ARHGEF18: variants seen among roughly 807,000 people sequenced by gnomAD.
The protein encoded by ARHGEF18 is Rho/Rac guanine nucleotide exchange factor 18.
Under a neutral mutation model 155.7 loss-of-function variants are expected in ARHGEF18, and 93 were observed. That is an observed-to-expected ratio of 0.60 (90% confidence interval 0.50 to 0.71). ARHGEF18 has a LOEUF of 0.71. Among genes scored for constraint, ARHGEF18 ranks in the 30% least tolerant of loss-of-function variants. The pLI is 0.00. For synonymous variants in ARHGEF18, 742 were observed against 753.1 expected, an observed-to-expected ratio of 0.99 and a Z score of 0.24; for missense variants, 1,593 against 1,816.1, an observed-to-expected ratio of 0.88 and a Z score of 2.23.
In ARHGEF18 at chr19:7,463,170, A is replaced by C. The variant is rs1256872996; in HGVS notation, c.2636-648A>C. 6.6e-6 allele frequency among the ~76,000 whole-genome samples: 1 copy of C among 152,154 alleles called. No individual in the cohort carries two copies. The highest frequency in any genetic ancestry group is 1.5e-5 in the Non-Finnish European group (1 of 68,012). On this transcript the variant is annotated intron_variant, in intron 21 of 28. Transcript: ENST00000668164. The surrounding 1 kb of genome is among the most constrained non-coding windows in gnomAD (Gnocchi z 5.2). ...TTTCAACAGTGAGGGAAGCCGACTC[A>C]GCCCCTGCCTTCCAGAGCCTTTCCG...
intron 5 of ARHGEF18, 91 bp from the exon 6 acceptor site, chr19:7,378,303 C>A: frequency 1.0e-6 from 1 of 989,586 alleles, no homozygotes; most frequent in Non-Finnish European, 1.3e-6. Flanking sequence ...TCTGCAGGGG[C>A]CCAGGGTGGC....
rs140973297 is a variant in ARHGEF18 at position 7,453,213 on chromosome 19, C to G, written c.1856-254C>G. ...CTCCGTCCACCCTACCCTCCCCCCC[C>G]CAAAAAAAACCTAAACTCTGACGTG... On this transcript the variant is annotated intron_variant, in intron 16 of 28. Coordinates refer to ENST00000668164, the MANE Select transcript of ARHGEF18 (RefSeq NM_001367823.1). Among the ~76,000 whole-genome samples the G allele has an allele frequency of 3.2e-3, 487 of 151,868 alleles. 3 individuals carry two copies. The highest frequency in any genetic ancestry group is 9.8e-3 in the African/African-American group (407 of 41,392).
In ARHGEF18 at chr19:7,463,549, G is replaced by A. The variant is rs951207865; in HGVS notation, c.2636-269G>A. Among the ~76,000 whole-genome samples the A allele has an allele frequency of 2.0e-5, 3 of 152,204 alleles. No homozygotes were observed. Among genetic ancestry groups the A allele is most frequent in the Admixed American group, 2.0e-4 (3 of 15,288 alleles). ...CCAGGGCGGCCTGGTGGAAGGAGCT[G>A]CAGGAGCCTGTACCCGCCCTCCCCA... On this transcript the variant is annotated intron_variant, in intron 21 of 28. Coordinates refer to ENST00000668164, the MANE Select transcript of ARHGEF18 (RefSeq NM_001367823.1). This position sits in a 1 kb window ranked among gnomAD's most constrained non-coding sequence, Gnocchi z 5.2.
At chr19:7,375,163 T>A (rs1470540053) in intron 3 of ARHGEF18, among the ~76,000 whole-genome samples, 1 of 150,504 alleles carries the variant, frequency 6.6e-6, no homozygotes, top group African/African-American at 2.4e-5. Flanking sequence ...TCCCAGCTAT[T>A]TGGGAGGCTG....
chr19:7,443,385 G>C (rs1034176357), intron 13 of ARHGEF18, among the ~76,000 whole-genome samples: 1 of 152,024 alleles, frequency 6.6e-6, no homozygotes, highest in African/African-American at 2.4e-5. Context: ...TTTTTTGGTA[G>C]AGACAGGGTT....
At chr19:7,476,232 G>A (rs1463391744), downstream of ARHGEF18, among the ~76,000 whole-genome samples, 1 of 152,212 alleles carries the variant, frequency 6.6e-6, no homozygotes, top group Non-Finnish European at 1.5e-5. Flanking sequence ...GATCCCTTGA[G>A]CCCAGGAGTT....
At chr19:7,416,955 T>G (rs528478061) in intron 10 of ARHGEF18, among the ~76,000 whole-genome samples, 1 of 145,288 alleles carries the variant, frequency 6.9e-6, no homozygotes, top group African/African-American at 2.6e-5. Context: ...TGTTGCCCAT[T>G]CTGGAGTGCA....
At chr19:7,464,835 C>A in intron 23 of ARHGEF18, 145 bp downstream of exon 23, 1 of 1,202,396 alleles carries the variant, frequency 8.3e-7, no homozygotes, top group Non-Finnish European at 1.1e-6. Flanking sequence ...AGTATCTCAG[C>A]CCAGATTAAT....
At chr19:7,353,312 G>T (rs1319990341) in intron 1 of ARHGEF18, among the ~76,000 whole-genome samples, 1 of 151,822 alleles carries the variant, frequency 6.6e-6, no homozygotes, top group Non-Finnish European at 1.5e-5. Flanking sequence ...ATTCCAGCTG[G>T]GTGCAGTGGC....
At chr19:7,479,020 G>A in the ARHGEF18 span, among the ~76,000 whole-genome samples, 2 of 152,244 alleles carry the variant, frequency 1.3e-5, no homozygotes, top group Non-Finnish European at 2.9e-5. Context: ...TCGGCCGTGG[G>A]GTGTGCCGGG....
intron 10 of ARHGEF18, among the ~76,000 whole-genome samples, chr19:7,439,462 A>C (rs1400327611): frequency 6.6e-6 from 1 of 151,928 alleles, no homozygotes; most frequent in Non-Finnish European, 1.5e-5. Flanking sequence ...AAATAATAAT[A>C]ATTAATTTAA....
chr19:7,413,151 G>T (rs974169360), intron 10 of ARHGEF18, among the ~76,000 whole-genome samples: 1 of 152,126 alleles, frequency 6.6e-6, no homozygotes, highest in Non-Finnish European at 1.5e-5. Flanking sequence ...ATAGTTATGG[G>T]CTGGGTATGG....
At chr19:7,475,237 A>G (rs1170038721), downstream of ARHGEF18, among the ~76,000 whole-genome samples, 1 of 152,100 alleles carries the variant, frequency 6.6e-6, no homozygotes, top group Non-Finnish European at 1.5e-5. Context: ...CTCAAAAAAG[A>G]GGGCCCGTAG....
chr19:7,429,747 A>G (rs1030835373), intron 10 of ARHGEF18, among the ~76,000 whole-genome samples: 5 of 152,286 alleles, frequency 3.3e-5, no homozygotes, highest in East Asian at 1.9e-4. Context: ...GCCCACACCC[A>G]TAAGAGGAGG....
chr19:7,456,640 C>T (rs1975845253), intron 18 of ARHGEF18, among the ~76,000 whole-genome samples: 1 of 152,194 alleles, frequency 6.6e-6, no homozygotes, highest in African/African-American at 2.4e-5. Context: ...TCACCTGAAC[C>T]CAGGAGGTGA....
chr19:7,360,642 C>T (rs773356815), intron 1 of ARHGEF18, among the ~76,000 whole-genome samples: 4 of 152,192 alleles, frequency 2.6e-5, no homozygotes, highest in Non-Finnish European at 5.9e-5. Context: ...TCCACAAGGA[C>T]CCTGTCCAGT....
chr19:7,427,011 C>T (rs953377159), intron 10 of ARHGEF18, among the ~76,000 whole-genome samples: 1 of 152,130 alleles, frequency 6.6e-6, no homozygotes, highest in African/African-American at 2.4e-5. Context: ...CGAGGTCAGG[C>T]ACTTTGGGGT....
intron 10 of ARHGEF18, among the ~76,000 whole-genome samples, chr19:7,416,075 T>C (rs1367042888): frequency 6.6e-6 from 1 of 152,130 alleles, no homozygotes; most frequent in Non-Finnish European, 1.5e-5. Context: ...TTCGCATTTG[T>C]GTGCTTCTTG....
At chr19:7,383,733 C>T (rs1237486415) in intron 10 of ARHGEF18, among the ~76,000 whole-genome samples, 1 of 149,812 alleles carries the variant, frequency 6.7e-6, no homozygotes, top group African/African-American at 2.5e-5. Flanking sequence ...AGTGTGGCCT[C>T]AGCTTAGCTT....
Sources: allele counts gnomAD v4.1 joint callset (sites outside exome capture counted in the v4.1 genomes callset), GRCh38; gene constraint gnomAD v4.1.1; non-coding constraint Gnocchi (gnomAD v3.1); transcripts MANE v1.5; gene names NCBI Gene and HGNC (gene_info 2026-07-23, HGNC 2026-07-21).